KLHL22: variants seen among roughly 807,000 people sequenced by gnomAD.
KLHL22 encodes the protein kelch-like protein 22.
Under a neutral mutation model 60.7 loss-of-function variants are expected in KLHL22, and 18 were observed. The observed-to-expected ratio is 0.30, with a 90% CI of 0.20 to 0.44. KLHL22 has a LOEUF of 0.44. KLHL22 is among the 20% of genes least tolerant of loss of function. The pLI is 1.00. For synonymous variants in KLHL22, 355 were observed against 354.5 expected (o/e 1.00, Z -0.01); for missense variants, 596 against 852.3 (o/e 0.70, Z 3.74).
In KLHL22 at chr22:20,443,455, G is replaced by C. The variant is rs543210622; in HGVS notation, c.1540-1017C>G. On this transcript the variant is annotated intron_variant, in intron 6 of 6. Coordinates refer to ENST00000328879, the MANE Select transcript of KLHL22 (RefSeq NM_032775.4). Reference sequence around the variant, plus strand: ...GCATGAGCCCTTAAAAGTGGAAGGGGAGAGGCCGGGCGTGGTGGCTCACGC... The same window carrying C: ...GCATGAGCCCTTAAAAGTGGAAGGGCAGAGGCCGGGCGTGGTGGCTCACGC... 2.5e-4 allele frequency among the ~76,000 whole-genome samples: 38 copies of C among 151,862 alleles called. No individual in the cohort carries two copies. In the South Asian group the frequency reaches 7.9e-3, roughly 32 times the overall value.
In KLHL22 at chr22:20,465,103, C is replaced by A; in HGVS notation, c.867G>T (p.Pro289=). Residue 289 remains proline, a synonymous_variant, in exon 4 of 7, where the codon CCG becomes CCT. Transcript: ENST00000328879. The surrounding 1 kb of genome is among the most constrained non-coding windows in gnomAD (Gnocchi z 4.9). ...GGAAGTCCGACCGCAGCTCCGTTTG[C>A]GGGCTCTGCAGGCTGGGCTGTAGGC... ...NESLQPSLQS[P]QTELRSDFQC... 1.9e-6 allele frequency: 3 copies of A among 1,613,818 alleles called. No homozygotes were observed. Among genetic ancestry groups the A allele is most frequent in the Non-Finnish European group, 2.5e-6 (3 of 1,179,922 alleles).
At chr22:20,494,537 C>T (rs1160026197) in intron 1 of KLHL22, among the ~76,000 whole-genome samples, 3 of 152,146 alleles carry the variant, frequency 2.0e-5, no homozygotes, top group Non-Finnish European at 4.4e-5. Context: ...CGTGTCACCA[C>T]ACCCAGCTAA....
Position 20,446,552 on chromosome 22 carries a change from G to C in KLHL22, c.1430C>G (p.Ala477Gly). 6.2e-7 allele frequency: 1 copy of C among 1,613,772 alleles called. No homozygotes were observed. Among genetic ancestry groups the C allele is most frequent in the Non-Finnish European group, 8.5e-7 (1 of 1,179,886 alleles). ...DPGSNTWHTL[A>G]DGPVRRAWHG... ...CCAGGCGCGCCGCACAGGCCCATCA[G>C]CCAGTGTGTGCCAAGTGTTGCTGCC... Residue 477 changes from alanine (A) to glycine (G), a missense_variant, in exon 6 of 7, where the codon GCT becomes GGT. Physicochemically the swap from Ala to Gly is moderately conservative, Grantham distance 60 (BLOSUM62 0). Coordinates refer to ENST00000328879, the MANE Select transcript of KLHL22 (RefSeq NM_032775.4).
At chr22:20,454,642 C>A (rs1056754143) in intron 5 of KLHL22, among the ~76,000 whole-genome samples, 2 of 152,092 alleles carry the variant, frequency 1.3e-5, no homozygotes, top group Non-Finnish European at 1.5e-5. Flanking sequence ...GTACAAAAAA[C>A]CTTCCTGAAA....
At chr22:20,478,674 C>G (rs1360472057) in intron 2 of KLHL22, among the ~76,000 whole-genome samples, 2 of 150,018 alleles carry the variant, frequency 1.3e-5, no homozygotes, top group Non-Finnish European at 3.0e-5. Context: ...GCCACCACGC[C>G]TAGCTAATTT....
rs200128571 is a variant in KLHL22, at chr22:20,442,171, G to A, written c.1807C>T (p.Arg603Cys). ...LPRSLLLEPP[R>C]GTPDRSQADP... Reference sequence around the variant, plus strand: ...GCCTGGCTGCGGTCAGGGGTCCCGCGGGGCGGCTCAAGGAGCAGGGAGCGG... The same window carrying A: ...GCCTGGCTGCGGTCAGGGGTCCCGCAGGGCGGCTCAAGGAGCAGGGAGCGG... The change falls in exon 7 of 7, where the codon CGC (arginine) becomes TGC (cysteine). Residue 603 changes from arginine (R) to cysteine (C), a missense_variant. By Grantham distance (180) the Arg-to-Cys change is radical. Coordinates refer to ENST00000328879, the MANE Select transcript of KLHL22 (RefSeq NM_032775.4). The A allele has an allele frequency of 1.3e-4, 210 of 1,561,480 alleles. 1 individual carries two copies. Among genetic ancestry groups the A allele is most frequent in the African/African-American group, 1.1e-4 (8 of 73,570 alleles).
At position 20,465,402 on chromosome 22, in the gene KLHL22, G is replaced by T. The variant is rs1309295368; in HGVS notation, c.568C>A (p.Gln190Lys). 3 of 1,614,080 alleles carry T rather than the reference G, an allele frequency of 1.9e-6. No homozygotes were observed. The African/African-American group carries it at 4.0e-5, about 22-fold the overall frequency. ...GAGTAGACCTTCTCCAATGGAAGCTGGCGGTACTTGTCAGTCCGAGAGAAG... is the reference window on the plus strand; with the variant it reads ...GAGTAGACCTTCTCCAATGGAAGCTTGCGGTACTTGTCAGTCCGAGAGAAG... Reference protein sequence around the residue: ...VAFSRTDKYRQLPLEKVYSLL... With the variant: ...VAFSRTDKYRKLPLEKVYSLL... Residue 190 changes from glutamine (Q) to lysine (K), a missense_variant, in exon 4 of 7, where the codon CAG becomes AAG. Physicochemically the swap from Gln to Lys is moderately conservative, Grantham distance 53. Coordinates refer to ENST00000328879, the MANE Select transcript of KLHL22 (RefSeq NM_032775.4). This position sits in a 1 kb window ranked among gnomAD's most constrained non-coding sequence, Gnocchi z 4.9.
rs565354295 is a variant in KLHL22 at position 20,478,600 on chromosome 22, C to T, written c.228-7085G>A. Among the ~76,000 whole-genome samples, 91 of 146,982 alleles carry T rather than the reference C, an allele frequency of 6.2e-4. 1 individual carries two copies. Among genetic ancestry groups the T allele is most frequent in the African/African-American group, 2.0e-3 (82 of 40,108 alleles). The stretch of plus-strand genomic sequence containing the variant: ...CATGATCTCGGTTCACTGCAAGCTC[C>T]GCCTCCCAGGTTCACGCCTTTCTCC... On this transcript the variant is annotated intron_variant, in intron 2 of 6. Coordinates refer to ENST00000328879, the MANE Select transcript of KLHL22 (RefSeq NM_032775.4).
At chr22:20,450,588 T>C (rs568885532) in intron 5 of KLHL22, 19 of 1,608,990 alleles carry the variant, frequency 1.2e-5, no homozygotes, top group Admixed American at 3.3e-5. Context: ...CTGAGGTTTT[T>C]AGCCAGAAGA....
At chr22:20,480,898 C>T (rs2053488772) in intron 2 of KLHL22, among the ~76,000 whole-genome samples, 1 of 140,802 alleles carries the variant, frequency 7.1e-6, no homozygotes, top group Non-Finnish European at 1.5e-5. Flanking sequence ...GTGGCGCGAT[C>T]TCGGCTCACT....
chr22:20,470,137 G>C (rs982229422), intron 3 of KLHL22, among the ~76,000 whole-genome samples: 10 of 151,640 alleles, frequency 6.6e-5, no homozygotes, highest in Non-Finnish European at 1.3e-4. Context: ...CCAGGAGCTT[G>C]AGACCAGCCT....
intron 3 of KLHL22, among the ~76,000 whole-genome samples, chr22:20,466,106 T>G (rs1013205795): frequency 6.6e-6 from 1 of 152,058 alleles, no homozygotes; most frequent in Non-Finnish European, 1.5e-5. Context: ...CCGGGTGCGG[T>G]GGCTCATGCC....
chr22:20,450,705 C>A, intron 5 of KLHL22: 1 of 1,418,200 alleles, frequency 7.1e-7, no homozygotes, highest in Non-Finnish European at 1.0e-6. Flanking sequence ...AAGAACCAGT[C>A]TTTGAGGCTG....
At chr22:20,450,904 G>C (rs2052966310) in intron 5 of KLHL22, 1 of 1,612,572 alleles carries the variant, frequency 6.2e-7, no homozygotes, top group Non-Finnish European at 8.5e-7. Flanking sequence ...TCTGAGGCCT[G>C]AACTTCAGAG....
chr22:20,483,715 T>G (rs771380344), intron 2 of KLHL22: 10 of 736,296 alleles, frequency 1.4e-5, no homozygotes, highest in Non-Finnish European at 2.3e-5. Flanking sequence ...CTCGATGGTC[T>G]TGAAGTAATG....
chr22:20,466,262 T>C (rs77359055), intron 3 of KLHL22, among the ~76,000 whole-genome samples: 3 of 150,390 alleles, frequency 2.0e-5, no homozygotes, highest in Non-Finnish European at 4.4e-5. Context: ...TAATCCCAGC[T>C]ACTCAGGAGG....
intron 6 of KLHL22, 105 bp downstream of exon 6, chr22:20,446,338 A>T: frequency 1.3e-6 from 1 of 756,500 alleles, no homozygotes. Flanking sequence ...GCTCTAAAAA[A>T]TAGTCTATTT....
At chr22:20,489,750 G>A (rs1471735076) in intron 1 of KLHL22, 3 of 471,072 alleles carry the variant, frequency 6.4e-6, no homozygotes, top group East Asian at 6.9e-5. Flanking sequence ...AGTAATGGAT[G>A]CATAAAAATG....
chr22:20,484,729 G>C (rs2053559167), intron 2 of KLHL22, among the ~76,000 whole-genome samples: 2 of 139,978 alleles, frequency 1.4e-5, no homozygotes, highest in Non-Finnish European at 3.1e-5. Flanking sequence ...ACTGTGCTCA[G>C]CCTTTTTTTT....
Sources: allele counts gnomAD v4.1 joint callset (sites outside exome capture counted in the v4.1 genomes callset), GRCh38; gene constraint gnomAD v4.1.1; non-coding constraint Gnocchi (gnomAD v3.1); transcripts MANE v1.5; gene names NCBI Gene and HGNC (gene_info 2026-07-23, HGNC 2026-07-21).